The following NUDCD3 variants were observed in gnomAD, a reference collection of about 807,000 sequenced individuals.
NUDCD3 encodes the protein NudC domain containing 3.
NUDCD3 carries 13 observed loss-of-function variants against 39.7 expected under a neutral mutation model. The observed-to-expected ratio is 0.33, with a 90% CI of 0.21 to 0.52. The LOEUF (loss-of-function observed/expected upper bound fraction) is 0.52. Ranked by LOEUF, NUDCD3 falls within the 20% of genes least tolerant of loss-of-function variation. The pLI is 0.96. For synonymous variants in NUDCD3, 175 were observed against 172.4 expected, an observed-to-expected ratio of 1.02 and a Z score of -0.12; for missense variants, 453 against 458.1, an observed-to-expected ratio of 0.99 and a Z score of 0.10.
At chr7:44,431,902 C>A (rs1799371124) in intron 2 of NUDCD3, among the ~76,000 whole-genome samples, 1 of 152,054 alleles carries the variant, frequency 6.6e-6, no homozygotes, top group Admixed American at 6.6e-5. Context: ...GAAATCCTGA[C>A]CTGAAGTGAT....
intron 3 of NUDCD3, among the ~76,000 whole-genome samples, chr7:44,406,173 C>G (rs935661281): frequency 6.6e-6 from 1 of 152,218 alleles, no homozygotes; most frequent in Non-Finnish European, 1.5e-5. Context: ...AGGCTGCCCA[C>G]TGGGGGACAC....
chr7:44,424,506 A>G (rs1799198059), intron 3 of NUDCD3, among the ~76,000 whole-genome samples: 1 of 152,252 alleles, frequency 6.6e-6, no homozygotes, highest in South Asian at 2.1e-4. Flanking sequence ...TCTCAAAAGA[A>G]GACATTTATG....
At chr7:44,397,165 T>C (rs1798640166) in intron 4 of NUDCD3, among the ~76,000 whole-genome samples, 1 of 152,184 alleles carries the variant, frequency 6.6e-6, no homozygotes, top group African/African-American at 2.4e-5. Flanking sequence ...GTCACATGTG[T>C]GGAATCACAC....
At chr7:44,483,437 G>A (rs989176176) in intron 2 of NUDCD3, among the ~76,000 whole-genome samples, 6 of 152,166 alleles carry the variant, frequency 3.9e-5, no homozygotes, top group Non-Finnish European at 8.8e-5. Context: ...TTCACTATCA[G>A]CAGATCTGCA....
intron 4 of NUDCD3, among the ~76,000 whole-genome samples, chr7:44,402,088 G>C (rs1041445616): frequency 1.3e-5 from 2 of 152,230 alleles, no homozygotes. Context: ...GCCTTCTCCA[G>C]AGACTCCCGT....
chr7:44,386,167 T>C (rs745596977), intron 5 of NUDCD3, 46 bp from the exon 6 acceptor site: 1 of 1,600,008 alleles, frequency 6.2e-7, no homozygotes, highest in South Asian at 1.1e-5. Flanking sequence ...CAACGCACTG[T>C]GTACTTTCTC....
chr7:44,475,315 C>T (rs1210683513), intron 2 of NUDCD3, among the ~76,000 whole-genome samples: 1 of 152,020 alleles, frequency 6.6e-6, no homozygotes. Flanking sequence ...TGTCACCATA[C>T]TGGCCAGGCT....
chr7:44,434,601 C>T (rs1799431546), intron 2 of NUDCD3, among the ~76,000 whole-genome samples: 1 of 152,206 alleles, frequency 6.6e-6, no homozygotes. Flanking sequence ...TACCCTGCCA[C>T]CTCAGCCAGA....
chr7:44,484,651 G>C (rs1396729824), intron 2 of NUDCD3: 1 of 239,020 alleles, frequency 4.2e-6, no homozygotes, highest in African/African-American at 2.2e-5. Flanking sequence ...ACAAACAATC[G>C]AGCTGCTGAG....
chr7:44,445,946 C>A (rs191219214), intron 2 of NUDCD3, among the ~76,000 whole-genome samples: 1 of 152,218 alleles, frequency 6.6e-6, no homozygotes, highest in Admixed American at 6.5e-5. Flanking sequence ...AACCTTGTGT[C>A]TCTAAGCCTC....
At chr7:44,415,669 T>G (rs963207019) in intron 3 of NUDCD3, among the ~76,000 whole-genome samples, 3 of 152,214 alleles carry the variant, frequency 2.0e-5, no homozygotes, top group African/African-American at 7.2e-5. Context: ...GGCAAAGCTC[T>G]GATAATGCCT....
At chr7:44,396,981 T>C (rs1798637481) in intron 4 of NUDCD3, among the ~76,000 whole-genome samples, 1 of 152,210 alleles carries the variant, frequency 6.6e-6, no homozygotes, top group Non-Finnish European at 1.5e-5. Flanking sequence ...TTTATTTTTT[T>C]AAAGTCAAGT....
At chr7:44,422,678 C>A (rs545943445) in intron 3 of NUDCD3, among the ~76,000 whole-genome samples, 1 of 152,138 alleles carries the variant, frequency 6.6e-6, no homozygotes, top group Non-Finnish European at 1.5e-5. Context: ...CAGGGCCAGA[C>A]GGATTCACAG....
rs528300410 is a variant in NUDCD3, at chr7:44,419,583, AC to A, written c.642+7987del. ...GATCTCCCAACAGGGGTTGACAGAC[AC>A]CTCATACAAAAGAGCTCCAGCTGGC... On this transcript the variant is annotated intron_variant, in intron 3 of 5. Coordinates refer to ENST00000355451, the MANE Select transcript of NUDCD3 (RefSeq NM_015332.4). Among the ~76,000 whole-genome samples, 874 of 152,172 alleles carry A rather than the reference AC, an allele frequency of 5.7e-3. 10 individuals carry two copies. Among genetic ancestry groups the A allele is most frequent in the African/African-American group, 0.02 (840 of 41,512 alleles).
chr7:44,462,683 T>C (rs1455416761), intron 2 of NUDCD3, among the ~76,000 whole-genome samples: 4 of 152,236 alleles, frequency 2.6e-5, no homozygotes, highest in Non-Finnish European at 4.4e-5. Flanking sequence ...CACTGTCCCC[T>C]GCCCTGCATT....
chr7:44,381,349 T>C lies in NUDCD3; in HGVS notation c.*4662A>G, dbSNP rs1798302254. 1 of 152,300 alleles carries C rather than the reference T, an allele frequency of 6.6e-6. No homozygotes were observed. The highest frequency in any genetic ancestry group is 2.4e-5 in the African/African-American group (1 of 41,454). The allele number at this position is 152,300 out of a possible 1,614,324, so 9.4% of individuals were successfully genotyped here. A position where few individuals can be genotyped will look rare whatever the true frequency, so the allele number is the denominator to read the frequency against. ...GTACCTGGGGCAGATGGTCTTGCTC[T>C]TTGGTTCTGGGGAGGAGCGCAAAGT... On this transcript the variant is annotated 3_prime_UTR_variant, in exon 6 of 6. Coordinates refer to ENST00000355451, the MANE Select transcript of NUDCD3 (RefSeq NM_015332.4).
At chr7:44,392,510 T>C (rs921585600) in intron 4 of NUDCD3, 25 bp from the exon 5 acceptor site, 4 of 1,607,794 alleles carry the variant, frequency 2.5e-6, no homozygotes, top group Non-Finnish European at 3.4e-6. Context: ...GACAGAGACC[T>C]GAGTCAGAGA....
chr7:44,448,492 A>G (rs1373166478), intron 2 of NUDCD3, among the ~76,000 whole-genome samples: 1 of 152,208 alleles, frequency 6.6e-6, no homozygotes, highest in Non-Finnish European at 1.5e-5. Flanking sequence ...ATGATGGTAT[A>G]CTTCTCAATG....
At position 44,485,279 on chromosome 7, in the gene NUDCD3, G is replaced by A; in HGVS notation, c.198C>T (p.Phe66=). ...GAAQALVLQV[F]KTFDHMARQD... is the part of the protein sequence containing the mutation. Reference sequence around the variant, plus strand: ...GACGGGCCATGTGGTCAAAGGTTTTGAATACCTAAAATCAAACACCAATCC... The same window carrying A: ...GACGGGCCATGTGGTCAAAGGTTTTAAATACCTAAAATCAAACACCAATCC... The change falls in exon 2 of 6, where the codon TTC becomes TTT. Residue 66 remains phenylalanine (F), a synonymous_variant. Coordinates refer to ENST00000355451, the MANE Select transcript of NUDCD3 (RefSeq NM_015332.4). 6.2e-7 allele frequency: 1 copy of A among 1,607,668 alleles called. No homozygotes were observed. The highest frequency in any genetic ancestry group is 1.1e-5 in the South Asian group (1 of 90,444).
Sources: gnomAD v4.1 joint callset for allele counts (sites outside exome capture counted in the v4.1 genomes callset) on GRCh38, gnomAD v4.1.1 for gene constraint, MANE v1.5 for transcripts, NCBI Gene and HGNC (gene_info 2026-07-23, HGNC 2026-07-21) for gene names.